SLC2A9: variants seen among roughly 807,000 people sequenced by gnomAD.
SLC2A9 encodes solute carrier family 2, facilitated glucose transporter member 9.
Under a neutral mutation model 50.6 loss-of-function variants are expected in SLC2A9, and 39 were observed. That is an observed-to-expected ratio of 0.77 (90% CI 0.60 to 1.01). SLC2A9 has a LOEUF of 1.01. SLC2A9 is among the 50% of genes least tolerant of loss of function. The pLI is 0.00. For missense variants in SLC2A9, 686 were observed against 677.6 expected (o/e 1.01, Z -0.14); for synonymous variants, 324 against 276.9 (o/e 1.17, Z -1.69).
chr4:10,025,652 G>T, upstream of SLC2A9: 1 of 500,386 alleles, frequency 2.0e-6, no homozygotes, highest in South Asian at 2.5e-5. Flanking sequence ...CCTTTGTAAT[G>T]GAGACTTTTG....
At chr4:9,865,385 T>C (rs1732286282) in intron 10 of SLC2A9, among the ~76,000 whole-genome samples, 1 of 152,280 alleles carries the variant, frequency 6.6e-6, no homozygotes. Flanking sequence ...AATGGCATCA[T>C]TAAACTATCA....
chr4:9,872,597 G>C (rs947669001), intron 10 of SLC2A9, among the ~76,000 whole-genome samples: 1 of 152,174 alleles, frequency 6.6e-6, no homozygotes, highest in African/African-American at 2.4e-5. Context: ...GAATAAAATG[G>C]ATTTGGAAAG....
chr4:9,833,890 C>T (rs1560168065), intron 11 of SLC2A9, among the ~76,000 whole-genome samples: 2 of 152,162 alleles, frequency 1.3e-5, no homozygotes. Flanking sequence ...GGCATTTGAG[C>T]AGGGAAGCTT....
chr4:9,925,879 T>A (rs1430074233), intron 6 of SLC2A9, among the ~76,000 whole-genome samples: 2 of 152,164 alleles, frequency 1.3e-5, no homozygotes, highest in African/African-American at 4.8e-5. Flanking sequence ...CTGTTCGGTG[T>A]TCTCCCTACT....
At position 9,839,082 on chromosome 4, in the gene SLC2A9, G is replaced by T. The variant is rs1424662173; in HGVS notation, c.1292-4074C>A. On this transcript the variant is annotated intron_variant, in intron 10 of 11. Transcript: ENST00000264784. The stretch of plus-strand genomic sequence containing the variant: ...TAAACAGACAACCTATAGAATGGGA[G>T]AAATTTTTGCAAACTATGCATCTGA... Among the ~76,000 whole-genome samples the T allele has an allele frequency of 3.3e-5, 5 of 152,224 alleles. No homozygotes were observed. In the South Asian group the frequency reaches 6.2e-4, roughly 19 times the overall value.
chr4:9,985,837 G>A (rs762061056), intron 3 of SLC2A9, 44 bp from the exon 4 acceptor site: 3 of 1,613,338 alleles, frequency 1.9e-6, no homozygotes, highest in South Asian at 1.1e-5. Flanking sequence ...TAACCATGAG[G>A]CATGTCACTG....
chr4:10,012,782 G>A (rs1761972154), intron 2 of SLC2A9, among the ~76,000 whole-genome samples: 1 of 152,106 alleles, frequency 6.6e-6, no homozygotes. Context: ...CAAGTGGGGA[G>A]AAGTTTGTGT....
chr4:9,844,572 C>A (rs1728648935), intron 10 of SLC2A9, among the ~76,000 whole-genome samples: 1 of 152,192 alleles, frequency 6.6e-6, no homozygotes, highest in African/African-American at 2.4e-5. Flanking sequence ...TATGCACGTT[C>A]TTCATATGAG....
intron 8 of SLC2A9, among the ~76,000 whole-genome samples, chr4:9,901,370 T>C (rs1370951869): frequency 7.2e-5 from 11 of 152,174 alleles, no homozygotes; most frequent in Non-Finnish European, 1.2e-4. Flanking sequence ...GGGAAATTAA[T>C]TGAACTCAGT....
chr4:9,803,162 TTCTC>T (rs1029596874), intron 3 of SLC2A9, among the ~76,000 whole-genome samples: 4 of 152,252 alleles, frequency 2.6e-5, no homozygotes, highest in Non-Finnish European at 4.4e-5. Context: ...GTCTGTCTAA[TTCTC>T]TCTGTTTTCT....
chr4:9,799,844 C>T (rs1438584585), intron 3 of SLC2A9, among the ~76,000 whole-genome samples: 2 of 152,034 alleles, frequency 1.3e-5, no homozygotes, highest in East Asian at 3.9e-4. Flanking sequence ...AGCCAGATGG[C>T]AGTCAGCAAG....
chr4:9,915,579 C>T (rs908491048), intron 7 of SLC2A9, among the ~76,000 whole-genome samples: 1 of 152,214 alleles, frequency 6.6e-6, no homozygotes, highest in African/African-American at 2.4e-5. Context: ...CACCACCACT[C>T]TACAGCTGGG....
intron 6 of SLC2A9, among the ~76,000 whole-genome samples, chr4:9,932,369 G>A (rs960322134): frequency 2.0e-5 from 3 of 152,128 alleles, no homozygotes; most frequent in Non-Finnish European, 4.4e-5. Flanking sequence ...AGGTGCTGGG[G>A]TTTCAGCAAT....
At chr4:9,877,797 C>A (rs1018784293) in intron 10 of SLC2A9, among the ~76,000 whole-genome samples, 1 of 152,192 alleles carries the variant, frequency 6.6e-6, no homozygotes, top group Non-Finnish European at 1.5e-5. Context: ...GATGCTCCTG[C>A]CATCTTCCTG....
At chr4:9,778,049 TTTCTTTCCTTCCTTCC>T (rs202008162), downstream of SLC2A9, among the ~76,000 whole-genome samples, 22,314 of 123,464 alleles carry the variant, frequency 0.18, 2,305 homozygotes, top group East Asian at 0.28. Context: ...TCTTTCTTTC[TTTCTTTCCTTCCTTCC>T]TTCCTTCCTT....
At chr4:9,938,285 T>C (rs984644425) in intron 6 of SLC2A9, among the ~76,000 whole-genome samples, 12 of 150,494 alleles carry the variant, frequency 8.0e-5, no homozygotes, top group African/African-American at 2.9e-4. Flanking sequence ...TTTTTTTTTT[T>C]TTTTGAGATG....
At chr4:9,929,079 T>C (rs1252826791) in intron 6 of SLC2A9, among the ~76,000 whole-genome samples, 1 of 152,246 alleles carries the variant, frequency 6.6e-6, no homozygotes, top group Non-Finnish European at 1.5e-5. Flanking sequence ...TTAATGAGGT[T>C]CATTTTTGAG....
chr4:9,920,240 G>A, intron 7 of SLC2A9, 145 bp downstream of exon 7: 1 of 813,022 alleles, frequency 1.2e-6, no homozygotes, highest in East Asian at 2.7e-5. Context: ...GATCAGTCAA[G>A]TTACATGGTT....
chr4:9,913,328 T>TGAGAGAGAGAGA (rs1467124229), intron 7 of SLC2A9, among the ~76,000 whole-genome samples: 1 of 136,490 alleles, frequency 7.3e-6, no homozygotes, highest in Non-Finnish European at 1.6e-5. Flanking sequence ...TGTGTGTGTG[T>TGAGAGAGAGAGA]GTGAGAGAGA....
Sources: gnomAD v4.1 joint callset for allele counts (sites outside exome capture counted in the v4.1 genomes callset) on GRCh38, gnomAD v4.1.1 for gene constraint, MANE v1.5 for transcripts, NCBI Gene and HGNC (gene_info 2026-07-23, HGNC 2026-07-21) for gene names.